LRRC37A2: variants seen among roughly 807,000 people sequenced by gnomAD.
The protein encoded by LRRC37A2 is leucine-rich repeat-containing protein 37A2.
In LRRC37A2, 9 loss-of-function variants were observed where a neutral mutation model predicts 68.8. The observed-to-expected ratio is 0.13, with a 90% CI of 0.08 to 0.23. The LOEUF (loss-of-function observed/expected upper bound fraction) is 0.23, where lower values mean the gene tolerates loss of function less well. Ranked by LOEUF, LRRC37A2 falls within the 10% of genes least tolerant of loss-of-function variation. The probability of loss-of-function intolerance (pLI) is 1.00; values close to 1 mark genes in which losing one functional copy is unlikely to be tolerated. For missense variants in LRRC37A2, 168 were observed against 950.4 expected (o/e 0.18, Z 10.82); for synonymous variants, 63 against 367.6 (o/e 0.17, Z 9.48).
chr17:46,931,279 T>C, the LRRC37A2 span: 2 of 820,892 alleles, frequency 2.4e-6, no homozygotes, highest in East Asian at 2.4e-5. Flanking sequence ...CTGGGGGAGG[T>C]GATAGAATAT....
chr17:46,818,586 G>A, the LRRC37A2 span: 3 of 1,602,186 alleles, frequency 1.9e-6, no homozygotes, highest in Non-Finnish European at 2.6e-6. Context: ...GCCCGAGCAG[G>A]TGGGGCTCCA....
chr17:46,954,379 T>G, the LRRC37A2 span, among the ~76,000 whole-genome samples: 5 of 152,260 alleles, frequency 3.3e-5, no homozygotes, highest in African/African-American at 1.2e-4. Context: ...GGCTCTGTTC[T>G]GTTCCATTGG....
the LRRC37A2 span, among the ~76,000 whole-genome samples, chr17:46,569,328 T>C: frequency 6.7e-6 from 1 of 149,934 alleles, no homozygotes; most frequent in Non-Finnish European, 1.5e-5. Context: ...ATTTTGGAGA[T>C]GTTATAATAG....
At chr17:46,806,535 T>C in the LRRC37A2 span, among the ~76,000 whole-genome samples, 2 of 152,090 alleles carry the variant, frequency 1.3e-5, no homozygotes, top group Non-Finnish European at 2.9e-5. Flanking sequence ...ACAGGTAACA[T>C]GGGGATGAAG....
At chr17:46,811,642 G>A in the LRRC37A2 span, among the ~76,000 whole-genome samples, 4 of 152,160 alleles carry the variant, frequency 2.6e-5, no homozygotes, top group African/African-American at 9.7e-5. Context: ...GGAGAGCGTG[G>A]AGTTGCCTCT....
chr17:46,944,546 G>A, the LRRC37A2 span, among the ~76,000 whole-genome samples: 2 of 152,060 alleles, frequency 1.3e-5, no homozygotes, highest in Non-Finnish European at 2.9e-5. Context: ...TCTGGGCCTC[G>A]CTCCCCAGAG....
the LRRC37A2 span, among the ~76,000 whole-genome samples, chr17:46,814,183 C>T: frequency 1.3e-5 from 2 of 152,198 alleles, no homozygotes; most frequent in Admixed American, 6.5e-5. Context: ...CCATCTCTCA[C>T]CTCTTGGCCC....
the LRRC37A2 span, among the ~76,000 whole-genome samples, chr17:46,836,095 C>CGTTGT: frequency 7.9e-6 from 1 of 126,434 alleles, no homozygotes; most frequent in Non-Finnish European, 1.6e-5. Flanking sequence ...GAGACGCTGA[C>CGTTGT]GTGTGTGTGT....
At chr17:46,900,168 CATAT>C in the LRRC37A2 span, among the ~76,000 whole-genome samples, 2,734 of 63,840 alleles carry the variant, frequency 0.043, 56 homozygotes, top group South Asian at 0.06. Context: ...TATACATATA[CATAT>C]ATATATATAT....
At chr17:46,923,540 C>G in the LRRC37A2 span, 11 of 1,323,596 alleles carry the variant, frequency 8.3e-6, no homozygotes, top group Non-Finnish European at 9.6e-6. Context: ...CTTGTCAACT[C>G]GGTGCTCCTG....
chr17:46,940,813 C>T, the LRRC37A2 span: 18 of 1,473,618 alleles, frequency 1.2e-5, no homozygotes, highest in Non-Finnish European at 1.5e-5. Context: ...GTCTTTACCA[C>T]CTGCGGCTGG....
chr17:46,900,338 C>A, the LRRC37A2 span, among the ~76,000 whole-genome samples: 1 of 151,544 alleles, frequency 6.6e-6, no homozygotes, highest in Non-Finnish European at 1.5e-5. Context: ...GCAGCCTCTG[C>A]CTCCCGGGTT....
At chr17:47,036,393 G>A in the LRRC37A2 span, among the ~76,000 whole-genome samples, 4 of 151,992 alleles carry the variant, frequency 2.6e-5, no homozygotes, top group African/African-American at 9.7e-5. Context: ...ATCCAGTTTG[G>A]AGAAGAAAAA....
chr17:46,940,485 A>G, the LRRC37A2 span: 1 of 1,612,940 alleles, frequency 6.2e-7, no homozygotes, highest in Non-Finnish European at 8.5e-7. Flanking sequence ...CCAGGGACCT[A>G]GCGCAGGACT....
At chr17:46,915,863 G>A in the LRRC37A2 span, among the ~76,000 whole-genome samples, 341 of 152,306 alleles carry the variant, frequency 2.2e-3, 3 homozygotes, top group African/African-American at 7.6e-3. Context: ...AACAATACTG[G>A]GCCACTAGAA....
At chr17:47,005,152 T>A in the LRRC37A2 span, among the ~76,000 whole-genome samples, 1 of 152,244 alleles carries the variant, frequency 6.6e-6, no homozygotes, top group Non-Finnish European at 1.5e-5. Context: ...AAGTCACGCT[T>A]TTATTCTTAA....
At chr17:46,734,989 C>T in the LRRC37A2 span, among the ~76,000 whole-genome samples, 3 of 152,146 alleles carry the variant, frequency 2.0e-5, no homozygotes, top group Middle Eastern at 3.4e-3. Flanking sequence ...AGTTCAAGAC[C>T]GCAGGAAGCT....
chr17:46,778,821 A>G, the LRRC37A2 span, among the ~76,000 whole-genome samples: 1 of 151,824 alleles, frequency 6.6e-6, no homozygotes, highest in Non-Finnish European at 1.5e-5. Flanking sequence ...ACCATTCTAC[A>G]CCATCCTTTG....
chr17:46,983,719 T>C, the LRRC37A2 span, among the ~76,000 whole-genome samples: 1 of 152,380 alleles, frequency 6.6e-6, no homozygotes, highest in Admixed American at 6.5e-5. Context: ...ACATCACAAA[T>C]ATCTCAAATT....
Sources: gnomAD v4.1 joint callset for allele counts (sites outside exome capture counted in the v4.1 genomes callset) on GRCh38, gnomAD v4.1.1 for gene constraint, MANE v1.5 for transcripts, NCBI Gene and HGNC (gene_info 2026-07-23, HGNC 2026-07-21) for gene names.